Variants in KCNN3 observed in about 807,000 individuals in gnomAD.
KCNN3 encodes the protein potassium calcium-activated channel subfamily N member 3.
KCNN3 carries 16 observed loss-of-function variants against 62.9 expected under a neutral mutation model. That is an observed-to-expected ratio of 0.25 (90% CI 0.17 to 0.39). KCNN3 has a LOEUF of 0.39. KCNN3 is among the 10% of genes least tolerant of loss of function. KCNN3 has a pLI of 1.00. For synonymous variants in KCNN3, 370 were observed against 389.2 expected, an observed-to-expected ratio of 0.95 and a Z score of 0.58; for missense variants, 599 against 949.4, an observed-to-expected ratio of 0.63 and a Z score of 4.85.
At chr1:154,853,238 C>T (rs1263479415) in intron 1 of KCNN3, among the ~76,000 whole-genome samples, 1 of 152,192 alleles carries the variant, frequency 6.6e-6, no homozygotes, top group Admixed American at 6.5e-5. Context: ...AGCCTCTTGC[C>T]TTGGCCTCCC....
chr1:154,760,855 C>T (rs1260636454), intron 3 of KCNN3, among the ~76,000 whole-genome samples: 1 of 152,244 alleles, frequency 6.6e-6, no homozygotes, highest in Non-Finnish European at 1.5e-5. Context: ...GGCGCGCGCC[C>T]GCGAAGAAGC....
rs540026132 is a variant in KCNN3, at chr1:154,851,763, C to T, written c.933+17269G>A. ...CTGAGCTGTCCCCACAGCCTCTCAG[C>T]GGGGCTCCCTGACCCTGGCTTGACC... On this transcript the variant is annotated intron_variant, in intron 1 of 7. Transcript: ENST00000271915. Among the ~76,000 whole-genome samples the T allele has an allele frequency of 1.2e-3, 189 of 152,320 alleles. 1 individual carries two copies. Among genetic ancestry groups the T allele is most frequent in the South Asian group, 2.5e-3 (12 of 4,822 alleles).
Position 154,708,002 on chromosome 1 carries a change from G to C in KCNN3, c.2170C>G (p.Pro724Ala), listed in dbSNP as rs201808409. The C allele has an allele frequency of 6.2e-7, 1 of 1,613,612 alleles. No homozygotes were observed. The highest frequency in any genetic ancestry group is 2.2e-5 in the East Asian group (1 of 44,860). The change falls in exon 8 of 8, where the codon CCG becomes GCG. Residue 724 changes from proline to alanine, a missense_variant. Transcript: ENST00000271915. ...IGVSSTSFPT[P>A]YTSSSSC ...TAGCAACTGCTTGAACTTGTGTACGGGGTCGGGAAGGAGGTGGAGCTGACC... is the reference window on the plus strand; with the variant it reads ...TAGCAACTGCTTGAACTTGTGTACGCGGTCGGGAAGGAGGTGGAGCTGACC...
At chr1:154,846,234 C>G (rs913542461) in intron 1 of KCNN3, among the ~76,000 whole-genome samples, 1 of 152,238 alleles carries the variant, frequency 6.6e-6, no homozygotes, top group African/African-American at 2.4e-5. Flanking sequence ...CCTCCACTCT[C>G]TTGCCTTACC....
intron 4 of KCNN3, among the ~76,000 whole-genome samples, chr1:154,730,028 G>T (rs930275676): frequency 6.6e-6 from 1 of 152,242 alleles, no homozygotes; most frequent in African/African-American, 2.4e-5. Flanking sequence ...AGCCTTGGGG[G>T]CTTTGGGGTC....
In KCNN3 at chr1:154,869,634, G is replaced by T; in HGVS notation, c.331C>A (p.Pro111Thr). The change falls in exon 1 of 8, where the codon CCC (proline) becomes ACC (threonine). Residue 111 changes from proline to threonine, a missense_variant. Pro to Thr is a conservative substitution (Grantham distance 38, BLOSUM62 -1). Transcript: ENST00000271915. The surrounding 1 kb of genome is among the most constrained non-coding windows in gnomAD (Gnocchi z 6.1). ...ATGGCGGTGGAGTTGGACGAAGGGG[G>T]GGCCCTGAAAGCGGTGGGAGAGGAG... ...LHSSPTAFRAPPSSNSTAILH... is the reference protein window; with the variant it reads ...LHSSPTAFRATPSSNSTAILH... The T allele has an allele frequency of 6.2e-7, 1 of 1,613,586 alleles. No individual in the cohort carries two copies. The highest frequency in any genetic ancestry group is 8.5e-7 in the Non-Finnish European group (1 of 1,179,798).
intron 3 of KCNN3, among the ~76,000 whole-genome samples, chr1:154,739,992 C>T (rs961217160): frequency 6.6e-6 from 1 of 152,170 alleles, no homozygotes; most frequent in Admixed American, 6.5e-5. Context: ...CCACAGCAAC[C>T]CTGAGATGGT....
chr1:154,776,444 G>C (rs1440996831), intron 2 of KCNN3, among the ~76,000 whole-genome samples: 1 of 152,098 alleles, frequency 6.6e-6, no homozygotes, highest in Non-Finnish European at 1.5e-5. Context: ...GTAGGGGGTG[G>C]GGGAGAGTTT....
chr1:154,864,520 A>G (rs1040709928), intron 1 of KCNN3, among the ~76,000 whole-genome samples: 19 of 152,270 alleles, frequency 1.2e-4, no homozygotes, highest in Non-Finnish European at 2.2e-4. Context: ...AGGTCTGCAA[A>G]GAGACAGACA....
At chr1:154,713,407 C>A (rs762028099) in intron 7 of KCNN3, 57 bp downstream of exon 7, 235 of 1,423,546 alleles carry the variant, frequency 1.7e-4, no homozygotes, top group Non-Finnish European at 2.0e-4. Context: ...ACAGGTGAGC[C>A]TGAGAAGACT....
At chr1:154,860,599 C>T (rs1652732749) in intron 1 of KCNN3, among the ~76,000 whole-genome samples, 2 of 152,210 alleles carry the variant, frequency 1.3e-5, no homozygotes, top group South Asian at 4.1e-4. Context: ...CACAGATTCA[C>T]CCAACAAGGT....
intron 3 of KCNN3, among the ~76,000 whole-genome samples, chr1:154,737,540 C>T (rs1963043): frequency 0.96 from 145,982 of 152,200 alleles, 70,316 homozygotes; most frequent in East Asian, 1. Context: ...AACCAGTCAA[C>T]TAAACAAACA....
chr1:154,859,015 G>GCCCCCCTGAGGAGGC (rs1553241103), intron 1 of KCNN3, among the ~76,000 whole-genome samples: 1 of 152,106 alleles, frequency 6.6e-6, no homozygotes. Flanking sequence ...CAGGTATGGT[G>GCCCCCCTGAGGAGGC]CCCCCCTGAG....
At position 154,699,352 on chromosome 1, in the gene KCNN3, T is replaced by C. The variant is rs1699805058; in HGVS notation, c.*8624A>G. 1 of 152,184 alleles carries C rather than the reference T, an allele frequency of 6.6e-6. No individual in the cohort carries two copies. Among genetic ancestry groups the C allele is most frequent in the Non-Finnish European group, 1.5e-5 (1 of 68,032 alleles). 9.4% of individuals were successfully genotyped at this position (152,184 alleles called of 1,614,324 possible). A position where few individuals can be genotyped will look rare whatever the true frequency, so the allele number is the denominator to read the frequency against. ...CTGTGAATAGCAATATGATATATTA[T>C]GAAGCATTTATATATGTATGTATAT... On this transcript the variant is annotated 3_prime_UTR_variant, in exon 8 of 8. Coordinates refer to ENST00000271915, the MANE Select transcript of KCNN3 (RefSeq NM_002249.6).
At chr1:154,776,819 C>T (rs770617854) in intron 2 of KCNN3, among the ~76,000 whole-genome samples, 34 of 152,200 alleles carry the variant, frequency 2.2e-4, no homozygotes, top group Non-Finnish European at 4.6e-4. Context: ...TTCAAAAATA[C>T]CCATGCCCAG....
intron 2 of KCNN3, among the ~76,000 whole-genome samples, chr1:154,786,026 C>G (rs1649267555): frequency 6.6e-6 from 1 of 152,196 alleles, no homozygotes; most frequent in Admixed American, 6.5e-5. Context: ...AGGCCACACT[C>G]TCATCTATTA....
chr1:154,801,927 G>A (rs1051935789), intron 2 of KCNN3, among the ~76,000 whole-genome samples: 2 of 152,232 alleles, frequency 1.3e-5, no homozygotes, highest in African/African-American at 4.8e-5. Context: ...AGCAGAAGAG[G>A]AAGGGGCCAA....
At chr1:154,757,707 G>A (rs1420163515) in intron 3 of KCNN3, among the ~76,000 whole-genome samples, 3 of 152,120 alleles carry the variant, frequency 2.0e-5, no homozygotes, top group Non-Finnish European at 4.4e-5. Context: ...TGGGGCCTTC[G>A]CTTCATGAGG....
chr1:154,701,829 TG>T lies in KCNN3; in HGVS notation c.*6146del, dbSNP rs1699860311. ...AAAGCCGACCCCGGTTTCACGTACA[TG>T]GAGAAACTCAGAATGCCTAGGATTT... is the stretch of plus-strand genomic sequence containing the variant. On this transcript the variant is annotated 3_prime_UTR_variant, in exon 8 of 8. Transcript: ENST00000271915. 1 of 152,204 alleles carries T rather than the reference TG, an allele frequency of 6.6e-6. No homozygotes were observed. The highest frequency in any genetic ancestry group is 2.4e-5 in the African/African-American group (1 of 41,446). 9.4% of individuals were successfully genotyped at this position (152,204 alleles called of 1,614,324 possible).
Sources: gnomAD v4.1 joint callset for allele counts (sites outside exome capture counted in the v4.1 genomes callset) on GRCh38, gnomAD v4.1.1 for gene constraint, Gnocchi (gnomAD v3.1) non-coding constraint, MANE v1.5 for transcripts, NCBI Gene and HGNC (gene_info 2026-07-23, HGNC 2026-07-21) for gene names.